The following FSHR variants were observed in gnomAD, a reference collection of about 807,000 sequenced individuals.
FSHR encodes follicle stimulating hormone receptor, also known as follicle-stimulating hormone receptor.
Under a neutral mutation model 52.1 loss-of-function variants are expected in FSHR, and 46 were observed. The observed-to-expected ratio is 0.88, with a 90% CI of 0.70 to 1.13. The LOEUF is 1.13. Among genes scored for constraint, FSHR ranks in the 50% most tolerant of loss-of-function variants. The probability of loss-of-function intolerance (pLI) is 0.00; values close to 1 mark genes in which losing one functional copy is unlikely to be tolerated. For missense variants in FSHR, 964 were observed against 834.6 expected (o/e 1.16, Z -1.91); for synonymous variants, 399 against 309.6 (o/e 1.29, Z -3.03).
At chr2:48,999,587 C>T (rs1052563231) in intron 4 of FSHR, among the ~76,000 whole-genome samples, 2 of 152,094 alleles carry the variant, frequency 1.3e-5, no homozygotes, top group African/African-American at 2.4e-5. Context: ...GGGCCTTAGA[C>T]TCCGTAACCT....
chr2:49,133,208 A>G (rs1672357574), intron 1 of FSHR, among the ~76,000 whole-genome samples: 1 of 152,116 alleles, frequency 6.6e-6, no homozygotes, highest in South Asian at 2.1e-4. Context: ...GTCCTGTGCA[A>G]CAGCATTTAA....
chr2:49,071,160 T>C (rs1669712600), intron 1 of FSHR, among the ~76,000 whole-genome samples: 2 of 152,102 alleles, frequency 1.3e-5, no homozygotes, highest in African/African-American at 2.4e-5. Flanking sequence ...TAAATTACAA[T>C]GAAATAACAT....
chr2:49,050,033 A>G (rs998458535), intron 2 of FSHR, among the ~76,000 whole-genome samples: 1 of 152,086 alleles, frequency 6.6e-6, no homozygotes, highest in Admixed American at 6.6e-5. Flanking sequence ...ACATCAACCC[A>G]AAAAGTGACA....
chr2:48,985,723 T>C (rs1675474425), intron 6 of FSHR, among the ~76,000 whole-genome samples: 1 of 116,354 alleles, frequency 8.6e-6, no homozygotes, highest in South Asian at 3.2e-4. Context: ...TTTTTTTTTT[T>C]TGAGACGGAG....
At chr2:49,064,062 T>TGTGTGTGTG (rs1669414926) in intron 2 of FSHR, among the ~76,000 whole-genome samples, 1 of 148,616 alleles carries the variant, frequency 6.7e-6, no homozygotes, top group Non-Finnish European at 1.5e-5. Flanking sequence ...CATGAAGAGT[T>TGTGTGTGTG]TGTGTGTGTG....
At position 49,131,582 on chromosome 2, in the gene FSHR, C is replaced by A. The variant is rs1008295571; in HGVS notation, c.152+22684G>T. ...CTGTACCACATTTTGTTTCTTTCTA[C>A]CTAAACCTCCACAAATTTTTAAAAG... On this transcript the variant is annotated intron_variant, in intron 1 of 9. Transcript: ENST00000406846. Among the ~76,000 whole-genome samples, 6 of 152,226 alleles carry A rather than the reference C, an allele frequency of 3.9e-5. No individual in the cohort carries two copies. In the South Asian group the frequency reaches 1.2e-3, roughly 32 times the overall value.
chr2:49,003,137 T>A (rs1281560684), intron 4 of FSHR, among the ~76,000 whole-genome samples: 4 of 152,198 alleles, frequency 2.6e-5, no homozygotes, highest in Non-Finnish European at 5.9e-5. Context: ...ATTTTTGCGA[T>A]GTCTGTTGAA....
chr2:49,070,570 A>G (rs1224538675), intron 1 of FSHR, among the ~76,000 whole-genome samples: 1 of 152,302 alleles, frequency 6.6e-6, no homozygotes, highest in East Asian at 1.9e-4. Flanking sequence ...AAAGTAAAAT[A>G]TTAATTAACG....
chr2:49,089,932 C>T (rs1224344283), intron 1 of FSHR, among the ~76,000 whole-genome samples: 5 of 152,014 alleles, frequency 3.3e-5, no homozygotes, highest in South Asian at 4.2e-4. Flanking sequence ...CTAGCAGGGA[C>T]GCTGACCACT....
intron 4 of FSHR, among the ~76,000 whole-genome samples, chr2:49,002,503 A>G (rs1408351292): frequency 3.9e-5 from 6 of 152,054 alleles, no homozygotes; most frequent in Non-Finnish European, 8.8e-5. Context: ...GCCTCAGGAA[A>G]TTTATAGTCA....
chr2:48,962,420 C>G lies in FSHR; in HGVS notation c.*313G>C. On this transcript the variant is annotated 3_prime_UTR_variant, in exon 10 of 10. Transcript: ENST00000406846. The stretch of plus-strand genomic sequence containing the variant: ...TAAAACTCCAAGAATAATCCCTGTC[C>G]TGCTTATTTAACAGGGATCACTTGA... 1 of 340,578 alleles carries G rather than the reference C, an allele frequency of 2.9e-6. No homozygotes were observed. The highest frequency in any genetic ancestry group is 2.8e-5 in the South Asian group (1 of 35,606). The allele number at this position is 340,578 out of a possible 1,614,324, so 21.1% of individuals were successfully genotyped here.
chr2:49,123,586 T>A (rs1053594030), intron 1 of FSHR, among the ~76,000 whole-genome samples: 1 of 152,248 alleles, frequency 6.6e-6, no homozygotes, highest in Non-Finnish European at 1.5e-5. Context: ...TTCCACAGTG[T>A]ATACATGTAT....
chr2:49,039,290 C>T (rs1287685195), intron 2 of FSHR, among the ~76,000 whole-genome samples: 1 of 152,110 alleles, frequency 6.6e-6, no homozygotes, highest in East Asian at 1.9e-4. Flanking sequence ...TCCTGTGTTA[C>T]CAAGCCTGTA....
intron 1 of FSHR, among the ~76,000 whole-genome samples, chr2:49,141,403 A>G (rs1486429813): frequency 2.0e-5 from 3 of 152,064 alleles, no homozygotes; most frequent in Non-Finnish European, 4.4e-5. Context: ...TTTTACTCAT[A>G]ATGAAAGTTG....
chr2:49,018,621 A>G (rs552560782), intron 3 of FSHR, among the ~76,000 whole-genome samples: 2 of 152,150 alleles, frequency 1.3e-5, no homozygotes, highest in Non-Finnish European at 2.9e-5. Context: ...TTTCTCTGAT[A>G]ATGTCTGTGG....
At chr2:49,020,004 C>A (rs528312254) in intron 3 of FSHR, 82 bp downstream of exon 3, 26 of 1,183,558 alleles carry the variant, frequency 2.2e-5, no homozygotes, top group Non-Finnish European at 3.2e-5. Context: ...ATGGCAGAAT[C>A]AGGGCCTCCC....
intron 2 of FSHR, among the ~76,000 whole-genome samples, chr2:49,041,141 G>A (rs72827284): frequency 0.035 from 5,309 of 152,238 alleles, 149 homozygotes; most frequent in South Asian, 0.087. Flanking sequence ...TTTTTCTTCA[G>A]GCTTCTTTGA....
chr2:49,077,458 C>G (rs569128103), intron 1 of FSHR, among the ~76,000 whole-genome samples: 2 of 152,306 alleles, frequency 1.3e-5, no homozygotes, highest in Non-Finnish European at 1.5e-5. Context: ...TTCTAGACCT[C>G]TGGGTCTGTG....
chr2:49,045,542 A>C (rs1668624867), intron 2 of FSHR, among the ~76,000 whole-genome samples: 1 of 152,176 alleles, frequency 6.6e-6, no homozygotes, highest in South Asian at 2.1e-4. Context: ...ATTTCAAGGG[A>C]AGGCAGACAG....
Sources: gnomAD v4.1 joint callset for allele counts (sites outside exome capture counted in the v4.1 genomes callset) on GRCh38, gnomAD v4.1.1 for gene constraint, MANE v1.5 for transcripts, NCBI Gene and HGNC (gene_info 2026-07-23, HGNC 2026-07-21) for gene names.